The following CNGB3 variants were observed in gnomAD, a reference collection of about 807,000 sequenced individuals.
CNGB3 encodes cyclic nucleotide-gated channel beta-3.
CNGB3 carries 86 observed loss-of-function variants against 92.8 expected under a neutral mutation model. That is an observed-to-expected ratio of 0.93 (90% CI 0.78 to 1.11). CNGB3 has a LOEUF of 1.11. Among genes scored for constraint, CNGB3 ranks in the 50% least tolerant of loss-of-function variants. CNGB3 has a pLI of 0.00. For synonymous variants in CNGB3, 333 were observed against 332.7 expected, an observed-to-expected ratio of 1.00 and a Z score of -0.01; for missense variants, 1,026 against 956.8, an observed-to-expected ratio of 1.07 and a Z score of -0.95.
chr8:86,688,862 C>T (rs1053610925), intron 3 of CNGB3, among the ~76,000 whole-genome samples: 12 of 151,690 alleles, frequency 7.9e-5, no homozygotes, highest in African/African-American at 2.9e-4. Context: ...CTTTCTCTTG[C>T]TTCTCTTGTT....
Position 86,632,721 on chromosome 8 carries a change from C to T in CNGB3, c.1320+31G>A, listed in dbSNP as rs752330630. The T allele has an allele frequency of 2.5e-6, 4 of 1,609,764 alleles. No individual in the cohort carries two copies. In the African/African-American group the frequency reaches 5.3e-5, roughly 22 times the overall value. On this transcript the variant is annotated intron_variant, in intron 11 of 17. Coordinates refer to ENST00000320005, the MANE Select transcript of CNGB3 (RefSeq NM_019098.5). ...CTGTTAGTCTTTCAAAATGACAGCA[C>T]TGTGTATCCAGTGATTCATACTCAG...
intron 6 of CNGB3, among the ~76,000 whole-genome samples, chr8:86,662,300 G>C (rs1823657163): frequency 6.6e-6 from 1 of 152,188 alleles, no homozygotes; most frequent in African/African-American, 2.4e-5. Context: ...TCCTCGAACT[G>C]AGATTATCAT....
chr8:86,636,572 C>CGAAAAAAA (rs1823075799), intron 10 of CNGB3, among the ~76,000 whole-genome samples: 1 of 40,092 alleles, frequency 2.5e-5, no homozygotes, highest in Non-Finnish European at 4.1e-5. Flanking sequence ...GACCCTGTCT[C>CGAAAAAAA]AAAAAAAAAA....
intron 11 of CNGB3, among the ~76,000 whole-genome samples, chr8:86,632,041 C>CA (rs111833918): frequency 6.6e-6 from 1 of 151,360 alleles, no homozygotes; most frequent in Non-Finnish European, 1.5e-5. Flanking sequence ...ACCTGTCCTA[C>CA]AAAAAAAATT....
chr8:86,710,843 C>CT (rs1824737252), intron 3 of CNGB3, among the ~76,000 whole-genome samples: 1 of 152,126 alleles, frequency 6.6e-6, no homozygotes, highest in Non-Finnish European at 1.5e-5. Context: ...AGTTTTGGTT[C>CT]TTTCTTCCGT....
In CNGB3 at chr8:86,579,067, C is replaced by T. The variant is rs760792547; in HGVS notation, c.1928+39G>A. On this transcript the variant is annotated intron_variant, in intron 16 of 17. Transcript: ENST00000320005. ...TATCTCAGAGTTTACAAAGTAAAAC[C>T]AACTCCATCCATCTCTAATGGTGTT... The T allele has an allele frequency of 1.9e-5, 30 of 1,613,510 alleles. No individual in the cohort carries two copies. In the Admixed American group the frequency reaches 2.3e-4, roughly 13 times the overall value.
chr8:86,634,905 CAG>C (rs1379389878), intron 10 of CNGB3, among the ~76,000 whole-genome samples: 2 of 150,122 alleles, frequency 1.3e-5, no homozygotes, highest in Non-Finnish European at 3.0e-5. Flanking sequence ...CAAATAAAAA[CAG>C]ATCTAGAAAG....
At chr8:86,671,860 C>A (rs1211322011) in intron 3 of CNGB3, among the ~76,000 whole-genome samples, 2 of 152,178 alleles carry the variant, frequency 1.3e-5, no homozygotes, top group Non-Finnish European at 2.9e-5. Flanking sequence ...TCTGGCCTGG[C>A]CAACACCTTG....
At chr8:86,631,934 G>C (rs1822969523) in intron 11 of CNGB3, among the ~76,000 whole-genome samples, 1 of 152,154 alleles carries the variant, frequency 6.6e-6, no homozygotes, top group South Asian at 2.1e-4. Context: ...TCCTGAGAGT[G>C]TGTCTTCCAT....
chr8:86,707,305 TA>T (rs1824668125), intron 3 of CNGB3, among the ~76,000 whole-genome samples: 2 of 152,102 alleles, frequency 1.3e-5, no homozygotes, highest in African/African-American at 4.8e-5. Flanking sequence ...AATATAAACT[TA>T]AAAAATATAG....
chr8:86,580,713 T>TCTGAG (rs1821747084), intron 15 of CNGB3, among the ~76,000 whole-genome samples: 1 of 152,220 alleles, frequency 6.6e-6, no homozygotes, highest in East Asian at 1.9e-4. Flanking sequence ...AGTCTGTCGT[T>TCTGAG]ACCGGTGATC....
At chr8:86,597,706 C>T (rs1055033388) in intron 15 of CNGB3, among the ~76,000 whole-genome samples, 8 of 152,092 alleles carry the variant, frequency 5.3e-5, no homozygotes, top group East Asian at 1.9e-4. Context: ...GATGGTTAGG[C>T]GCAGTGGCTT....
intron 13 of CNGB3, among the ~76,000 whole-genome samples, chr8:86,615,326 C>G: frequency 6.6e-6 from 1 of 152,180 alleles, no homozygotes; most frequent in South Asian, 2.1e-4. Flanking sequence ...ACAGATCGGC[C>G]GGGTGTGGTG....
At chr8:86,671,329 A>G (rs1405847758) in intron 3 of CNGB3, among the ~76,000 whole-genome samples, 1 of 152,210 alleles carries the variant, frequency 6.6e-6, no homozygotes, top group Non-Finnish European at 1.5e-5. Context: ...TCTTGACCAT[A>G]TTGGATCTTG....
chr8:86,604,662 T>C (rs554057181), intron 14 of CNGB3, among the ~76,000 whole-genome samples: 4 of 152,242 alleles, frequency 2.6e-5, no homozygotes, highest in South Asian at 4.2e-4. Context: ...ATTTGGGGAA[T>C]TGGGGCATAG....
chr8:86,656,624 C>G (rs980730911), intron 6 of CNGB3, among the ~76,000 whole-genome samples: 1 of 152,118 alleles, frequency 6.6e-6, no homozygotes, highest in Admixed American at 6.5e-5. Context: ...GAAGGATATG[C>G]TAATTGCACC....
chr8:86,582,164 A>G (rs989460813), intron 15 of CNGB3, among the ~76,000 whole-genome samples: 16 of 152,050 alleles, frequency 1.1e-4, no homozygotes, highest in Non-Finnish European at 2.1e-4. Flanking sequence ...GAAGGCTGAG[A>G]TGGGTGGATC....
rs1397826841 is a variant in CNGB3, at chr8:86,625,980, T to A, written c.1578+3A>T. On this transcript the variant is annotated splice_donor_region_variant and intron_variant, in intron 13 of 17. Transcript: ENST00000320005. ...AGAGTCTATTAATTGTAAAAGCACTTGCCTTGAACAAGTCGACTTTGCTGA... is the reference window on the plus strand; with the variant it reads ...AGAGTCTATTAATTGTAAAAGCACTAGCCTTGAACAAGTCGACTTTGCTGA... The A allele has an allele frequency of 1.2e-6, 2 of 1,610,620 alleles. No homozygotes were observed. The highest frequency in any genetic ancestry group is 3.3e-5 in the Admixed American group (2 of 59,960).
intron 3 of CNGB3, among the ~76,000 whole-genome samples, chr8:86,722,406 T>C (rs1228259071): frequency 1.3e-5 from 2 of 152,144 alleles, no homozygotes; most frequent in Non-Finnish European, 2.9e-5. Context: ...AAGGTAAGTG[T>C]TTCATTTGAC....
Sources: gnomAD v4.1 joint callset for allele counts (sites outside exome capture counted in the v4.1 genomes callset) on GRCh38, gnomAD v4.1.1 for gene constraint, MANE v1.5 for transcripts, NCBI Gene and HGNC (gene_info 2026-07-23, HGNC 2026-07-21) for gene names.